MDGA2: variants seen among roughly 807,000 people sequenced by gnomAD.
The protein encoded by MDGA2 is MAM domain containing glycosylphosphatidylinositol anchor 2.
Under a neutral mutation model 117.8 loss-of-function variants are expected in MDGA2, and 40 were observed. That is an observed-to-expected ratio of 0.34 (90% CI 0.26 to 0.44). The LOEUF (loss-of-function observed/expected upper bound fraction) is 0.44, where lower values mean the gene tolerates loss of function less well. Among genes scored for constraint, MDGA2 ranks in the 20% least tolerant of loss-of-function variants. MDGA2 has a pLI of 1.00. For synonymous variants in MDGA2, 452 were observed against 439.0 expected (o/e 1.03, Z -0.37); for missense variants, 1,123 against 1,250.6 (o/e 0.90, Z 1.54).
chr14:47,197,925 A>C (rs61995417), intron 3 of MDGA2, among the ~76,000 whole-genome samples: 3,441 of 152,264 alleles, frequency 0.023, 43 homozygotes, highest in Non-Finnish European at 0.034. Context: ...AGAAAGGACC[A>C]TAACAGCCAA....
At chr14:47,155,816 C>T (rs75465239) in intron 3 of MDGA2, among the ~76,000 whole-genome samples, 13,696 of 150,804 alleles carry the variant, frequency 0.091, 695 homozygotes, top group Middle Eastern at 0.15. Flanking sequence ...GCTGGCAAAG[C>T]GACACCCCAA....
intron 8 of MDGA2, among the ~76,000 whole-genome samples, chr14:47,008,812 TTATTTA>T (rs918088482): frequency 2.0e-5 from 3 of 152,010 alleles, no homozygotes; most frequent in African/African-American, 7.2e-5. Flanking sequence ...TCCAGTATTT[TTATTTA>T]TTTTTGCAAT....
intron 1 of MDGA2, among the ~76,000 whole-genome samples, chr14:47,492,089 C>T (rs1894181659): frequency 6.6e-6 from 1 of 152,130 alleles, no homozygotes; most frequent in South Asian, 2.1e-4. Flanking sequence ...CCATGTAACA[C>T]AAATATAAAT....
chr14:47,144,294 C>T lies in MDGA2; in HGVS notation c.596-20G>A, dbSNP rs190769923. The T allele has an allele frequency of 1.7e-4, 263 of 1,528,774 alleles. 1 individual carries two copies. The African/African-American group carries it at 3.2e-3, about 18-fold the overall frequency. The allele number at this position is 1,528,774 out of a possible 1,614,324, so 94.7% of individuals were successfully genotyped here. ...CCAAATCTAAAGGAAATAAAAACAA[C>T]CAAATGGCAATGTTATGAGATAGAT... is the stretch of plus-strand genomic sequence containing the variant. On this transcript the variant is annotated intron_variant, in intron 3 of 16. Coordinates refer to ENST00000399232, the MANE Select transcript of MDGA2 (RefSeq NM_001113498.3).
intron 6 of MDGA2, among the ~76,000 whole-genome samples, chr14:47,077,220 C>T (rs1890528616): frequency 2.0e-5 from 3 of 152,176 alleles, no homozygotes; most frequent in East Asian, 1.9e-4. Context: ...TGGCTACAGG[C>T]AGGCATGCAT....
intron 10 of MDGA2, among the ~76,000 whole-genome samples, chr14:46,890,210 A>G (rs1263571066): frequency 1.3e-5 from 2 of 151,966 alleles, no homozygotes; most frequent in Admixed American, 6.6e-5. Flanking sequence ...TGGACTTTAT[A>G]CAATCTATTA....
At chr14:46,970,397 C>A (rs1230512293) in intron 8 of MDGA2, among the ~76,000 whole-genome samples, 1 of 152,074 alleles carries the variant, frequency 6.6e-6, no homozygotes, top group Non-Finnish European at 1.5e-5. Flanking sequence ...CATAAATCCA[C>A]ATATTTTCAG....
intron 1 of MDGA2, among the ~76,000 whole-genome samples, chr14:47,509,735 T>C (rs1894598546): frequency 1.3e-5 from 2 of 152,240 alleles, no homozygotes; most frequent in Non-Finnish European, 1.5e-5. Context: ...CCATTACGTC[T>C]TCTTTTCTCT....
intron 3 of MDGA2, among the ~76,000 whole-genome samples, chr14:47,205,999 G>A (rs180684524): frequency 6.6e-6 from 1 of 151,976 alleles, no homozygotes; most frequent in East Asian, 1.9e-4. Flanking sequence ...TCCCACAAAG[G>A]GCACTATTCA....
chr14:47,189,262 G>A (rs934834693), intron 3 of MDGA2, among the ~76,000 whole-genome samples: 23 of 151,588 alleles, frequency 1.5e-4, no homozygotes, highest in African/African-American at 4.4e-4. Context: ...ACAAACACAC[G>A]CTAAACTATA....
At chr14:47,613,017 A>G (rs1896880895) in intron 1 of MDGA2, among the ~76,000 whole-genome samples, 1 of 152,144 alleles carries the variant, frequency 6.6e-6, no homozygotes, top group Non-Finnish European at 1.5e-5. Context: ...TGAAAACCGA[A>G]GTTAGAGAAG....
At chr14:47,483,266 T>C (rs1166612712) in intron 1 of MDGA2, among the ~76,000 whole-genome samples, 1 of 152,120 alleles carries the variant, frequency 6.6e-6, no homozygotes, top group East Asian at 1.9e-4. Context: ...TAAGTGATCA[T>C]ATATTTCAGA....
At chr14:46,961,614 T>A (rs1487907319) in intron 8 of MDGA2, among the ~76,000 whole-genome samples, 7 of 152,072 alleles carry the variant, frequency 4.6e-5, no homozygotes, top group African/African-American at 1.7e-4. Flanking sequence ...TCCATTTCTT[T>A]AAACAAAGTA....
chr14:47,405,541 A>C (rs1461958247), intron 1 of MDGA2, among the ~76,000 whole-genome samples: 1 of 152,210 alleles, frequency 6.6e-6, no homozygotes, highest in Non-Finnish European at 1.5e-5. Context: ...CGCTGGTGGA[A>C]AAAAATGAAA....
intron 1 of MDGA2, among the ~76,000 whole-genome samples, chr14:47,634,578 T>C (rs536478366): frequency 6.6e-6 from 1 of 152,056 alleles, no homozygotes; most frequent in African/African-American, 2.4e-5. Flanking sequence ...AACAAAACTG[T>C]TTTTTCTTTT....
intron 9 of MDGA2, among the ~76,000 whole-genome samples, chr14:46,928,197 T>C (rs1419217527): frequency 1.3e-5 from 2 of 152,162 alleles, no homozygotes; most frequent in Middle Eastern, 3.2e-3. Context: ...TGGAAAACTT[T>C]TTTATGAAAA....
At chr14:47,131,579 C>T in intron 5 of MDGA2, 135 bp downstream of exon 5, 2 of 579,252 alleles carry the variant, frequency 3.5e-6, no homozygotes, top group East Asian at 5.6e-5. Flanking sequence ...TCAGATATCC[C>T]AGGATTTTCT....
At chr14:47,003,998 T>TAGAAAAAAAAAA (rs1159140160) in intron 8 of MDGA2, among the ~76,000 whole-genome samples, 2 of 151,880 alleles carry the variant, frequency 1.3e-5, no homozygotes, top group Admixed American at 6.6e-5. Flanking sequence ...GAAAGACACT[T>TAGAAAAAAAAAA]AGAAGAATGA....
intron 6 of MDGA2, among the ~76,000 whole-genome samples, chr14:47,064,907 T>C (rs1344426929): frequency 6.6e-6 from 1 of 152,090 alleles, no homozygotes; most frequent in Non-Finnish European, 1.5e-5. Context: ...TAATTAGTAC[T>C]GGAGTATAAC....
Sources: allele counts gnomAD v4.1 joint callset (sites outside exome capture counted in the v4.1 genomes callset), GRCh38; gene constraint gnomAD v4.1.1; transcripts MANE v1.5; gene names NCBI Gene and HGNC (gene_info 2026-07-23, HGNC 2026-07-21).